The following ZNF600 variants were observed in gnomAD, a reference collection of about 807,000 sequenced individuals.
ZNF600 encodes the protein zinc finger protein 600, also known as zinc finger protein KR-ZNF1.
Under a neutral mutation model 7.3 loss-of-function variants are expected in ZNF600, and 4 were observed. The observed-to-expected ratio is 0.55, with a 90% CI of 0.27 to 1.25. ZNF600 has a LOEUF of 1.25. ZNF600 is among the 50% of genes most tolerant of loss of function. The pLI, the probability that ZNF600 is intolerant of heterozygous loss-of-function variation, is 0.12. For synonymous variants in ZNF600, 290 were observed against 308.9 expected (o/e 0.94, Z 0.64); for missense variants, 911 against 922.1 (o/e 0.99, Z 0.16).
chr19:52,806,066 TTAAAA>T, the ZNF600 span: 1 of 152,116 alleles, frequency 6.6e-6, no homozygotes, highest in South Asian at 2.1e-4. Context: ...TTTTTCATAT[TTAAAA>T]TAAAAGGCAT....
intron 1 of ZNF600, among the ~76,000 whole-genome samples, chr19:52,779,629 A>G (rs1284105959): frequency 6.6e-6 from 1 of 152,200 alleles, no homozygotes; most frequent in South Asian, 2.1e-4. Context: ...TCACTAAGCA[A>G]AAGGGAGAAG....
At chr19:52,801,408 G>C in the ZNF600 span, 1 of 1,614,178 alleles carries the variant, frequency 6.2e-7, no homozygotes, top group East Asian at 2.2e-5. Flanking sequence ...AGGCAGATGC[G>C]AATGAAAGCT....
chr19:52,832,123 G>A, the ZNF600 span, among the ~76,000 whole-genome samples: 1 of 120,926 alleles, frequency 8.3e-6, no homozygotes, highest in Non-Finnish European at 1.8e-5. Context: ...TCAGGCAAAA[G>A]AATCGCTGTA....
upstream of ZNF600, among the ~76,000 whole-genome samples, chr19:52,788,371 T>C (rs777458229): frequency 4.6e-5 from 7 of 152,096 alleles, no homozygotes; most frequent in Non-Finnish European, 7.4e-5. Context: ...TTTTCTTTGC[T>C]CCTCTTGGTG....
At chr19:52,822,561 A>G in the ZNF600 span, among the ~76,000 whole-genome samples, 1 of 152,190 alleles carries the variant, frequency 6.6e-6, no homozygotes, top group African/African-American at 2.4e-5. Context: ...TTGAAAAGAG[A>G]GAAAGAAACT....
At chr19:52,822,878 T>G in the ZNF600 span, among the ~76,000 whole-genome samples, 1 of 152,142 alleles carries the variant, frequency 6.6e-6, no homozygotes, top group African/African-American at 2.4e-5. Context: ...CATAATTAAC[T>G]ATAGAGTTTA....
the ZNF600 span, among the ~76,000 whole-genome samples, chr19:52,823,892 A>G: frequency 1.3e-5 from 2 of 151,788 alleles, no homozygotes; most frequent in Non-Finnish European, 2.9e-5. Flanking sequence ...GAGAAACCCC[A>G]TCTCTCCTAT....
At chr19:52,812,162 C>T in the ZNF600 span, among the ~76,000 whole-genome samples, 3 of 126,938 alleles carry the variant, frequency 2.4e-5, no homozygotes, top group African/African-American at 7.8e-5. Flanking sequence ...GCCCCCCGCC[C>T]GGCCAGCCGC....
the ZNF600 span, among the ~76,000 whole-genome samples, chr19:52,793,390 C>A: frequency 1.3e-5 from 2 of 152,282 alleles, no homozygotes; most frequent in African/African-American, 4.8e-5. Flanking sequence ...TCAAATGGGA[C>A]AGAAAGGCTG....
the ZNF600 span, among the ~76,000 whole-genome samples, chr19:52,813,554 C>T: frequency 2.7e-5 from 4 of 145,714 alleles, 1 homozygote; most frequent in South Asian, 2.3e-4. Flanking sequence ...ACCTTCCCTC[C>T]GTCTTCTCCT....
At chr19:52,833,167 T>C in the ZNF600 span, among the ~76,000 whole-genome samples, 1 of 152,290 alleles carries the variant, frequency 6.6e-6, no homozygotes, top group South Asian at 2.1e-4. Flanking sequence ...TTACCAGATA[T>C]CTGTGCACAT....
chr19:52,817,201 C>T, the ZNF600 span, among the ~76,000 whole-genome samples: 6 of 151,962 alleles, frequency 3.9e-5, no homozygotes, highest in South Asian at 4.1e-4. Context: ...GGAGAAACCT[C>T]GTCTCTACTA....
At chr19:52,832,362 A>G in the ZNF600 span, among the ~76,000 whole-genome samples, 1,535 of 152,150 alleles carry the variant, frequency 0.01, 21 homozygotes, top group African/African-American at 0.03. Flanking sequence ...TTGGGAGGCT[A>G]AGGTGAAAAA....
the ZNF600 span, among the ~76,000 whole-genome samples, chr19:52,829,215 T>TTTA: frequency 4.3e-5 from 2 of 46,322 alleles, no homozygotes; most frequent in South Asian, 7.0e-4. Flanking sequence ...TTTATTTTAT[T>TTTA]TTATTTTATT....
chr19:52,811,233 G>C, the ZNF600 span, among the ~76,000 whole-genome samples: 1 of 151,138 alleles, frequency 6.6e-6, no homozygotes, highest in Admixed American at 6.6e-5. Context: ...GCGTGATCTC[G>C]GCTCACTACA....
chr19:52,789,205 G>C (rs1469904154), upstream of ZNF600, among the ~76,000 whole-genome samples: 2 of 152,150 alleles, frequency 1.3e-5, no homozygotes, highest in Non-Finnish European at 2.9e-5. Flanking sequence ...AGAGTCCTAG[G>C]CAGAGGGACA....
At chr19:52,810,466 G>C in the ZNF600 span, 1 of 1,592,984 alleles carries the variant, frequency 6.3e-7, no homozygotes, top group Non-Finnish European at 8.6e-7. Flanking sequence ...AAGAGTCAGT[G>C]AGGACTTCCT....
chr19:52,815,845 G>C, the ZNF600 span, among the ~76,000 whole-genome samples: 1 of 145,292 alleles, frequency 6.9e-6, no homozygotes, highest in Non-Finnish European at 1.5e-5. Context: ...AATAACTATC[G>C]TGTACTGGCC....
intron 2 of ZNF600, among the ~76,000 whole-genome samples, chr19:52,776,469 T>C (rs2062676302): frequency 1.3e-5 from 2 of 151,870 alleles, no homozygotes; most frequent in African/African-American, 4.8e-5. Flanking sequence ...TAGAGTGCAG[T>C]GGCAGAATCT....
Sources: allele counts gnomAD v4.1 joint callset (sites outside exome capture counted in the v4.1 genomes callset), GRCh38; gene constraint gnomAD v4.1.1; transcripts MANE v1.5; gene names NCBI Gene and HGNC (gene_info 2026-07-23, HGNC 2026-07-21).